TRAPPC9: variants seen among roughly 807,000 people sequenced by gnomAD.
TRAPPC9 encodes the protein IKK2 binding protein.
Under a neutral mutation model 124.0 loss-of-function variants are expected in TRAPPC9, and 83 were observed. The observed-to-expected ratio is 0.67, with a 90% confidence interval of 0.56 to 0.80. The LOEUF is 0.80. Among genes scored for constraint, TRAPPC9 ranks in the 30% least tolerant of loss-of-function variants. TRAPPC9 has a pLI of 0.00. For missense variants in TRAPPC9, 1,302 were observed against 1,508.3 expected, an observed-to-expected ratio of 0.86 and a Z score of 2.27; for synonymous variants, 638 against 617.5, an observed-to-expected ratio of 1.03 and a Z score of -0.49.
At chr8:139,985,476 C>T (rs1340636088) in intron 19 of TRAPPC9, among the ~76,000 whole-genome samples, 3 of 152,192 alleles carry the variant, frequency 2.0e-5, no homozygotes, top group Non-Finnish European at 4.4e-5. Context: ...AGGCACCTGT[C>T]CTCATCCTGA....
intron 18 of TRAPPC9, among the ~76,000 whole-genome samples, chr8:139,997,367 ACAACGCATC>A (rs993302358): frequency 2.0e-5 from 3 of 151,524 alleles, no homozygotes; most frequent in Non-Finnish European, 2.9e-5. Context: ...CACAGGGCAG[ACAACGCATC>A]CTACACAGGG....
intron 11 of TRAPPC9, among the ~76,000 whole-genome samples, chr8:140,295,652 G>C (rs1164434421): frequency 6.6e-6 from 1 of 152,170 alleles, no homozygotes; most frequent in Non-Finnish European, 1.5e-5. Context: ...ACTATCCCAA[G>C]TTAAAGTGGA....
At chr8:140,320,047 A>G (rs10875450) in intron 9 of TRAPPC9, among the ~76,000 whole-genome samples, 99,620 of 152,068 alleles carry the variant, frequency 0.66, 33,097 homozygotes, top group African/African-American at 0.78. Flanking sequence ...CTAAATCCAG[A>G]AGGAAAAACC....
At chr8:139,898,859 C>T (rs575599294) in intron 20 of TRAPPC9, among the ~76,000 whole-genome samples, 2 of 152,198 alleles carry the variant, frequency 1.3e-5, no homozygotes, top group South Asian at 2.1e-4. Context: ...GTGGCTCATG[C>T]CTGTAATCCC....
chr8:140,311,209 A>G, intron 10 of TRAPPC9, 39 bp downstream of exon 10: 2 of 1,604,938 alleles, frequency 1.2e-6, no homozygotes, highest in Non-Finnish European at 1.7e-6. Context: ...GGTGTCCCAG[A>G]GGGCAGCTGC....
Position 140,064,492 on chromosome 8 carries a change from C to T in TRAPPC9, c.2557-40413G>A, listed in dbSNP as rs116558258. 5.3e-3 allele frequency among the ~76,000 whole-genome samples: 800 copies of T among 152,240 alleles called. 12 individuals are homozygous for T. The highest frequency in any genetic ancestry group is 0.018 in the African/African-American group (762 of 41,546). On this transcript the variant is annotated intron_variant, in intron 17 of 22. Transcript: ENST00000438773. Reference sequence around the variant, plus strand: ...TCTACCTGATAGCACACGTTGCATGCCAGACCCAGAGCTCCTGGAAGGCAG... The same window carrying T: ...TCTACCTGATAGCACACGTTGCATGTCAGACCCAGAGCTCCTGGAAGGCAG...
At chr8:140,193,452 G>GT (rs1446796608) in intron 17 of TRAPPC9, among the ~76,000 whole-genome samples, 2 of 152,088 alleles carry the variant, frequency 1.3e-5, no homozygotes, top group East Asian at 1.9e-4. Flanking sequence ...TCAGCTGAAT[G>GT]TAAGTCTTGG....
chr8:140,250,973 G>A (rs1407554118), intron 16 of TRAPPC9, among the ~76,000 whole-genome samples: 1 of 152,206 alleles, frequency 6.6e-6, no homozygotes, highest in Non-Finnish European at 1.5e-5. Context: ...TAGAAGGGCA[G>A]AGAGACTGCC....
chr8:140,114,150 C>A (rs540992431), intron 17 of TRAPPC9, among the ~76,000 whole-genome samples: 42 of 152,140 alleles, frequency 2.8e-4, no homozygotes, highest in African/African-American at 9.9e-4. Context: ...TGCTTCCGAG[C>A]GGGGACTGTT....
chr8:140,172,578 G>A (rs2061987888), intron 17 of TRAPPC9, among the ~76,000 whole-genome samples: 1 of 152,104 alleles, frequency 6.6e-6, no homozygotes, highest in South Asian at 2.1e-4. Flanking sequence ...TACAATGGAG[G>A]AGACTTAAGA....
intron 21 of TRAPPC9, among the ~76,000 whole-genome samples, chr8:139,772,988 G>A (rs910698737): frequency 5.9e-5 from 9 of 152,246 alleles, no homozygotes; most frequent in Admixed American, 5.2e-4. Context: ...AAGCAGGTGA[G>A]GCTGGAGGCT....
chr8:140,249,173 A>T (rs377097332), intron 16 of TRAPPC9, among the ~76,000 whole-genome samples: 4 of 151,876 alleles, frequency 2.6e-5, no homozygotes, highest in African/African-American at 9.7e-5. Flanking sequence ...TCCCTCCCTG[A>T]CCCCTCACTC....
At chr8:140,219,522 G>A (rs1004769546) in intron 17 of TRAPPC9, among the ~76,000 whole-genome samples, 2 of 152,106 alleles carry the variant, frequency 1.3e-5, no homozygotes, top group Admixed American at 1.3e-4. Context: ...TCCACATCCT[G>A]ATGTTTCATC....
At chr8:140,261,863 A>G (rs1449118639) in intron 15 of TRAPPC9, among the ~76,000 whole-genome samples, 1 of 152,156 alleles carries the variant, frequency 6.6e-6, no homozygotes, top group Non-Finnish European at 1.5e-5. Context: ...ACATGAAACT[A>G]AAGAAATACC....
chr8:139,933,426 C>T (rs988819954), intron 19 of TRAPPC9: 1 of 152,264 alleles, frequency 6.6e-6, no homozygotes, highest in African/African-American at 2.4e-5. Context: ...ACTCAGCGCA[C>T]AGCCTTGAAC....
intron 17 of TRAPPC9, among the ~76,000 whole-genome samples, chr8:140,219,675 C>T (rs1299493696): frequency 1.3e-5 from 2 of 152,202 alleles, no homozygotes; most frequent in East Asian, 3.9e-4. Context: ...TGTCATTAAA[C>T]TATCTCTTCG....
intron 7 of TRAPPC9, among the ~76,000 whole-genome samples, chr8:140,383,033 G>A (rs2068655024): frequency 6.6e-6 from 1 of 152,234 alleles, no homozygotes; most frequent in African/African-American, 2.4e-5. Flanking sequence ...AGCCTCCGCT[G>A]CTGATACCCA....
intron 16 of TRAPPC9, among the ~76,000 whole-genome samples, chr8:140,234,643 G>A (rs2063686592): frequency 1.3e-5 from 2 of 152,242 alleles, no homozygotes; most frequent in African/African-American, 4.8e-5. Flanking sequence ...AGGAAATTGT[G>A]TAAGTCCTGT....
intron 21 of TRAPPC9, among the ~76,000 whole-genome samples, chr8:139,809,102 A>G (rs977556309): frequency 6.6e-6 from 1 of 152,250 alleles, no homozygotes; most frequent in African/African-American, 2.4e-5. Context: ...AAAAACATCT[A>G]TTTTGATAAC....
Sources: gnomAD v4.1 joint callset for allele counts (sites outside exome capture counted in the v4.1 genomes callset) on GRCh38, gnomAD v4.1.1 for gene constraint, MANE v1.5 for transcripts, NCBI Gene and HGNC (gene_info 2026-07-23, HGNC 2026-07-21) for gene names.